The following RGS6 variants were observed in gnomAD, a reference collection of about 807,000 sequenced individuals.
RGS6 encodes regulator of G-protein signaling 6.
A neutral mutation model predicts 78.5 loss-of-function variants in RGS6; 30 were observed. The observed-to-expected ratio is 0.38, with a 90% confidence interval of 0.29 to 0.52. The LOEUF (loss-of-function observed/expected upper bound fraction) is 0.52. RGS6 is among the 20% of genes least tolerant of loss of function. The pLI is 0.85. For synonymous variants in RGS6, 206 were observed against 206.0 expected, an observed-to-expected ratio of 1.00 and a Z score of 0.00; for missense variants, 495 against 609.7, an observed-to-expected ratio of 0.81 and a Z score of 1.98.
chr14:72,172,162 T>C (rs1324513608), intron 2 of RGS6, among the ~76,000 whole-genome samples: 1 of 152,054 alleles, frequency 6.6e-6, no homozygotes, highest in African/African-American at 2.4e-5. Context: ...CCTTTCCTAA[T>C]GGGCTGCGCT....
chr14:72,325,923 T>C (rs2073625920), intron 2 of RGS6, among the ~76,000 whole-genome samples: 1 of 152,184 alleles, frequency 6.6e-6, no homozygotes, highest in Non-Finnish European at 1.5e-5. Context: ...GGAAATAAGG[T>C]ACCCTCATAC....
At chr14:72,392,730 C>T (rs1216877170) in intron 3 of RGS6, among the ~76,000 whole-genome samples, 1 of 152,190 alleles carries the variant, frequency 6.6e-6, no homozygotes, top group East Asian at 1.9e-4. Flanking sequence ...TCCAAGCTGA[C>T]ACTTTGCAAG....
chr14:72,083,791 T>C (rs913428479), intron 2 of RGS6, among the ~76,000 whole-genome samples: 1 of 152,208 alleles, frequency 6.6e-6, no homozygotes, highest in African/African-American at 2.4e-5. Context: ...GGCTGTGTGT[T>C]GCTTGACTGG....
Position 72,237,668 on chromosome 14 carries a change from C to G in RGS6, c.85-114427C>G, listed in dbSNP as rs193003925. On this transcript the variant is annotated intron_variant, in intron 2 of 17. Coordinates refer to ENST00000553525, the MANE Select transcript of RGS6 (RefSeq NM_001204424.2). Reference sequence around the variant, plus strand: ...TTGAGACGGGAGAGTTCCCTTGACCCCTTTGCAGGACTTGTGAAAGGGGTG... The same window carrying G: ...TTGAGACGGGAGAGTTCCCTTGACCGCTTTGCAGGACTTGTGAAAGGGGTG... Among the ~76,000 whole-genome samples the G allele has an allele frequency of 3.1e-3, 472 of 152,200 alleles. 1 individual carries two copies. The highest frequency in any genetic ancestry group is 0.011 in the African/African-American group (455 of 41,532).
Position 72,010,776 on chromosome 14 carries a change from C to G in RGS6, c.84+45901C>G, listed in dbSNP as rs113991319. ...TTCAATCAGCCTGATGAAGTTCTCT[C>G]TGCTTTAATCCTTACAACAAAAAGT... On this transcript the variant is annotated intron_variant, in intron 2 of 17. Transcript: ENST00000553525. Among the ~76,000 whole-genome samples the G allele has an allele frequency of 8.4e-4, 128 of 152,326 alleles. 1 individual carries two copies. Among genetic ancestry groups the G allele is most frequent in the African/African-American group, 2.7e-3 (114 of 41,574 alleles).
chr14:72,219,833 C>G (rs1164720015), intron 2 of RGS6, among the ~76,000 whole-genome samples: 1 of 152,114 alleles, frequency 6.6e-6, no homozygotes, highest in Non-Finnish European at 1.5e-5. Context: ...AAAATCTTGA[C>G]TCCATCCAGA....
chr14:72,368,175 G>A (rs1349381321), intron 3 of RGS6, among the ~76,000 whole-genome samples: 3 of 152,174 alleles, frequency 2.0e-5, no homozygotes, highest in Non-Finnish European at 1.5e-5. Flanking sequence ...ATATCCCATG[G>A]CAGTAGGCAG....
At position 72,127,518 on chromosome 14, in the gene RGS6, G is replaced by A. The variant is rs192962319; in HGVS notation, c.84+162643G>A. Among the ~76,000 whole-genome samples, 172 of 152,128 alleles carry A rather than the reference G, an allele frequency of 1.1e-3. 1 individual carries two copies. The highest frequency in any genetic ancestry group is 4.1e-3 in the African/African-American group (169 of 41,492). On this transcript the variant is annotated intron_variant, in intron 2 of 17. Coordinates refer to ENST00000553525, the MANE Select transcript of RGS6 (RefSeq NM_001204424.2). The stretch of plus-strand genomic sequence containing the variant: ...CTAACAGTGTTTTCTAAGAGAACAC[G>A]TTACTGATTTAAAAATGTAAAGTAA...
intron 2 of RGS6, among the ~76,000 whole-genome samples, chr14:72,041,148 A>G (rs1216024062): frequency 1.3e-5 from 2 of 152,036 alleles, no homozygotes; most frequent in African/African-American, 2.4e-5. Flanking sequence ...CTTCATATGC[A>G]TTGATTTTTG....
intron 2 of RGS6, among the ~76,000 whole-genome samples, chr14:72,054,863 TATC>T (rs2093535671): frequency 6.6e-6 from 1 of 152,168 alleles, no homozygotes; most frequent in Non-Finnish European, 1.5e-5. Context: ...TATGAAGAGG[TATC>T]ATCCCTGGCT....
chr14:71,964,697 T>G (rs561493213), intron 1 of RGS6, 75 bp from the exon 2 acceptor site: 1 of 1,020,876 alleles, frequency 9.8e-7, no homozygotes, highest in East Asian at 2.5e-5. Flanking sequence ...CAAAAGTTAC[T>G]TAATTCTTTG....
intron 2 of RGS6, among the ~76,000 whole-genome samples, chr14:72,178,449 AG>A (rs2097134286): frequency 1.3e-5 from 2 of 152,212 alleles, no homozygotes; most frequent in Admixed American, 1.3e-4. Flanking sequence ...GGCCTCCTTG[AG>A]TTCCAGTTCG....
the RGS6 span, chr14:72,612,332 C>A: frequency 2.3e-6 from 1 of 435,924 alleles, no homozygotes; most frequent in Middle Eastern, 4.9e-4. Context: ...CCTACCTACC[C>A]CGCCTCTCTC....
In RGS6 at chr14:72,562,768, G is replaced by T. The variant is rs2097691475; in HGVS notation, c.*301G>T. 2.0e-6 allele frequency: 3 copies of T among 1,527,720 alleles called. No homozygotes were observed. Among genetic ancestry groups the T allele is most frequent in the Non-Finnish European group, 1.8e-6 (2 of 1,139,150 alleles). The allele number at this position is 1,527,720 out of a possible 1,614,324, so 94.6% of individuals were successfully genotyped here. A position where few individuals can be genotyped will look rare whatever the true frequency, so the allele number is the denominator to read the frequency against. Reference sequence around the variant, plus strand: ...GGCCCTGATCCCAGCTCATTCAGGGGAGAACACGTCGTGGGGTTCCTGTCA... The same window carrying T: ...GGCCCTGATCCCAGCTCATTCAGGGTAGAACACGTCGTGGGGTTCCTGTCA... On this transcript the variant is annotated 3_prime_UTR_variant, in exon 18 of 18. Transcript: ENST00000553525.
rs568528294 is a variant in RGS6, at chr14:72,141,990, A to G, written c.84+177115A>G. Among the ~76,000 whole-genome samples the G allele has an allele frequency of 6.4e-4, 98 of 152,042 alleles. 3 individuals are homozygous for G. In the South Asian group the frequency reaches 0.011, roughly 18 times the overall value. On this transcript the variant is annotated intron_variant, in intron 2 of 17. Coordinates refer to ENST00000553525, the MANE Select transcript of RGS6 (RefSeq NM_001204424.2). Reference sequence around the variant, plus strand: ...TACATATTGAAGTAACTTCTACTCCAGTGACCCCTCTCTTGAGGCTTACTG... The same window carrying G: ...TACATATTGAAGTAACTTCTACTCCGGTGACCCCTCTCTTGAGGCTTACTG...
At chr14:72,098,699 C>T (rs1318101943) in intron 2 of RGS6, among the ~76,000 whole-genome samples, 1 of 152,118 alleles carries the variant, frequency 6.6e-6, no homozygotes, top group South Asian at 2.1e-4. Context: ...TCCCAATTAC[C>T]AAAAATTGCT....
chr14:72,143,119 G>A (rs1224377610), intron 2 of RGS6, among the ~76,000 whole-genome samples: 2 of 152,154 alleles, frequency 1.3e-5, no homozygotes, highest in Non-Finnish European at 2.9e-5. Flanking sequence ...TATAATCCCA[G>A]CGCTTTGGGA....
intron 2 of RGS6, among the ~76,000 whole-genome samples, chr14:72,147,373 AAAG>A (rs2096619804): frequency 1.3e-5 from 2 of 152,234 alleles, no homozygotes; most frequent in Admixed American, 1.3e-4. Context: ...TTTATAAAGA[AAAG>A]AAAGCCAGCG....
the RGS6 span, among the ~76,000 whole-genome samples, chr14:72,609,591 G>A: frequency 2.0e-5 from 3 of 152,308 alleles, no homozygotes; most frequent in Non-Finnish European, 4.4e-5. Flanking sequence ...TAGGAACCAC[G>A]AAAGAGTGGG....
Sources: gnomAD v4.1 joint callset for allele counts (sites outside exome capture counted in the v4.1 genomes callset) on GRCh38, gnomAD v4.1.1 for gene constraint, MANE v1.5 for transcripts, NCBI Gene and HGNC (gene_info 2026-07-23, HGNC 2026-07-21) for gene names.